ABLIM1: variants seen among roughly 807,000 people sequenced by gnomAD.
The protein encoded by ABLIM1 is actin-binding LIM protein 1.
Under a neutral mutation model 107.0 loss-of-function variants are expected in ABLIM1, and 40 were observed. That is an observed-to-expected ratio of 0.37 (90% confidence interval 0.29 to 0.49). The LOEUF is 0.49. Ranked by LOEUF, ABLIM1 falls within the 20% of genes least tolerant of loss-of-function variation. The pLI is 0.97. For synonymous variants in ABLIM1, 357 were observed against 357.3 expected (o/e 1.00, Z 0.01); for missense variants, 857 against 1,008.5 (o/e 0.85, Z 2.04).
intron 8 of ABLIM1, among the ~76,000 whole-genome samples, chr10:114,475,099 A>G (rs941885097): frequency 2.0e-5 from 3 of 152,172 alleles, no homozygotes; most frequent in African/African-American, 7.2e-5. Flanking sequence ...AGAAGCATCC[A>G]TTCAGAATAA....
At chr10:114,793,100 C>T in the ABLIM1 span, among the ~76,000 whole-genome samples, 5 of 152,062 alleles carry the variant, frequency 3.3e-5, no homozygotes, top group East Asian at 3.9e-4. Context: ...TGCAGTAAGC[C>T]GAGATCGCGC....
intron 6 of ABLIM1, among the ~76,000 whole-genome samples, chr10:114,541,248 G>T (rs1015280581): frequency 1.1e-4 from 16 of 151,656 alleles, no homozygotes; most frequent in Non-Finnish European, 1.8e-4. Flanking sequence ...AGAACTGACA[G>T]AACTCAGTTT....
intron 1 of ABLIM1, among the ~76,000 whole-genome samples, chr10:114,678,350 G>A (rs2080585491): frequency 6.6e-6 from 1 of 152,182 alleles, no homozygotes; most frequent in East Asian, 1.9e-4. Context: ...TCATATAATT[G>A]TTTTCTGACT....
chr10:114,677,308 TG>T (rs937484446), intron 1 of ABLIM1, among the ~76,000 whole-genome samples: 3 of 152,208 alleles, frequency 2.0e-5, no homozygotes, highest in African/African-American at 7.2e-5. Context: ...TTCTTCTGTG[TG>T]TATTATGACA....
intron 6 of ABLIM1, among the ~76,000 whole-genome samples, chr10:114,515,304 G>A (rs1021682440): frequency 7.2e-6 from 1 of 138,488 alleles, no homozygotes; most frequent in African/African-American, 2.7e-5. Context: ...ATTCCCTCCC[G>A]TGACCCTCTC....
At chr10:114,501,596 C>A (rs2060433894) in intron 6 of ABLIM1, among the ~76,000 whole-genome samples, 1 of 152,232 alleles carries the variant, frequency 6.6e-6, no homozygotes, top group African/African-American at 2.4e-5. Flanking sequence ...TCAAAAGTTA[C>A]AAAAAACGAA....
upstream of ABLIM1, among the ~76,000 whole-genome samples, chr10:114,769,469 AAGAAAGAAAG>A (rs1483647086): frequency 8.1e-4 from 113 of 139,176 alleles, no homozygotes; most frequent in East Asian, 4.5e-3. Context: ...GAAAGAAAGA[AAGAAAGAAAG>A]AGAAAGAAAG....
At chr10:114,585,635 C>T (rs1235929430) in intron 2 of ABLIM1, among the ~76,000 whole-genome samples, 4 of 152,136 alleles carry the variant, frequency 2.6e-5, no homozygotes, top group African/African-American at 9.7e-5. Context: ...ATCTTCCAAA[C>T]ATTCATCTGA....
At chr10:114,563,389 C>G (rs941314818) in intron 4 of ABLIM1, among the ~76,000 whole-genome samples, 11 of 152,214 alleles carry the variant, frequency 7.2e-5, no homozygotes, top group African/African-American at 2.4e-4. Flanking sequence ...ATAAGAAAGA[C>G]AGACAACAGA....
At chr10:114,654,601 C>T (rs2079408856) in intron 1 of ABLIM1, among the ~76,000 whole-genome samples, 1 of 152,196 alleles carries the variant, frequency 6.6e-6, no homozygotes, top group African/African-American at 2.4e-5. Flanking sequence ...CCCACACCAC[C>T]ATGCCCAGCC....
At chr10:114,538,022 C>T (rs1392229953) in intron 6 of ABLIM1, among the ~76,000 whole-genome samples, 3 of 152,192 alleles carry the variant, frequency 2.0e-5, no homozygotes, top group Non-Finnish European at 4.4e-5. Context: ...ATGTTTTGCT[C>T]ACTAGAGAAT....
chr10:114,440,805 A>G, intron 19 of ABLIM1: 1 of 671,572 alleles, frequency 1.5e-6, no homozygotes, highest in East Asian at 2.9e-5. Flanking sequence ...TGAGCAATGA[A>G]TAAATTCTCA....
chr10:114,671,666 C>T (rs2080260049), intron 1 of ABLIM1, among the ~76,000 whole-genome samples: 1 of 152,182 alleles, frequency 6.6e-6, no homozygotes, highest in Non-Finnish European at 1.5e-5. Flanking sequence ...TGCTGATAGA[C>T]ATATAAAAGT....
chr10:114,736,851 G>GA (rs1173285050), intron 1 of ABLIM1, among the ~76,000 whole-genome samples: 1 of 152,088 alleles, frequency 6.6e-6, no homozygotes, highest in Non-Finnish European at 1.5e-5. Flanking sequence ...ACATCAGCAG[G>GA]AAATAAAAAA....
At position 114,497,402 on chromosome 10, in the gene ABLIM1, G is replaced by A. The variant is rs180865843; in HGVS notation, c.895-5524C>T. On this transcript the variant is annotated intron_variant, in intron 6 of 22. Coordinates refer to ENST00000533213, the MANE Select transcript of ABLIM1 (RefSeq NM_002313.7). ...AAAAATCACGTCCCCATTTCTGGCCGGGCGCGGTGGCTCATGCCTGTAATC... is the reference window on the plus strand; with the variant it reads ...AAAAATCACGTCCCCATTTCTGGCCAGGCGCGGTGGCTCATGCCTGTAATC... 3.2e-4 allele frequency among the ~76,000 whole-genome samples: 45 copies of A among 141,774 alleles called. 1 individual carries two copies. In the East Asian group the frequency reaches 7.9e-3, roughly 25 times the overall value. 93.0% of individuals were successfully genotyped at this position (141,774 alleles called of 152,430 possible).
intron 1 of ABLIM1, among the ~76,000 whole-genome samples, chr10:114,704,054 T>G (rs538705813): frequency 2.0e-5 from 3 of 152,084 alleles, no homozygotes; most frequent in Non-Finnish European, 4.4e-5. Context: ...GGACTTACAC[T>G]CTCATGAAAC....
At chr10:114,542,857 C>T (rs2066876914) in intron 6 of ABLIM1, among the ~76,000 whole-genome samples, 1 of 152,222 alleles carries the variant, frequency 6.6e-6, no homozygotes, top group African/African-American at 2.4e-5. Flanking sequence ...CGCTCGGACT[C>T]CAAGCTCCCC....
At chr10:114,606,265 C>A (rs1482949465) in intron 1 of ABLIM1, among the ~76,000 whole-genome samples, 6 of 152,122 alleles carry the variant, frequency 3.9e-5, no homozygotes, top group Non-Finnish European at 2.9e-5. Context: ...GAGACAGAGT[C>A]TTGCTCTGTC....
chr10:114,431,732 T>G lies in ABLIM1; in HGVS notation c.*4528A>C, dbSNP rs554923947. 2 of 152,346 alleles carry G rather than the reference T, an allele frequency of 1.3e-5. No homozygotes were observed. Among genetic ancestry groups the G allele is most frequent in the African/African-American group, 4.8e-5 (2 of 41,578 alleles). 9.4% of individuals were successfully genotyped at this position (152,346 alleles called of 1,614,324 possible). A position where few individuals can be genotyped will look rare whatever the true frequency, so the allele number is the denominator to read the frequency against. Reference sequence around the variant, plus strand: ...CTCTTAGGAGAAACACTTTTGGGAATAATTTTATTGAATAACAACCACCAC... The same window carrying G: ...CTCTTAGGAGAAACACTTTTGGGAAGAATTTTATTGAATAACAACCACCAC... On this transcript the variant is annotated 3_prime_UTR_variant, in exon 23 of 23. Transcript: ENST00000533213.
Sources: allele counts gnomAD v4.1 joint callset (sites outside exome capture counted in the v4.1 genomes callset), GRCh38; gene constraint gnomAD v4.1.1; transcripts MANE v1.5; gene names NCBI Gene and HGNC (gene_info 2026-07-23, HGNC 2026-07-21).